AAK1: variants seen among roughly 807,000 people sequenced by gnomAD.
The protein encoded by AAK1 is AP2 associated kinase 1.
AAK1 carries 37 observed loss-of-function variants against 116.0 expected under a neutral mutation model. The ratio of observed to expected loss-of-function variants is 0.32; its 90% confidence interval spans 0.25 to 0.42. AAK1 has a LOEUF of 0.42. Ranked by LOEUF, AAK1 falls within the 10% of genes least tolerant of loss-of-function variation. The pLI, the probability that AAK1 is intolerant of heterozygous loss-of-function variation, is 1.00. For synonymous variants in AAK1, 458 were observed against 439.9 expected (o/e 1.04, Z -0.51); for missense variants, 919 against 1,170.6 (o/e 0.79, Z 3.14).
At chr2:69,634,220 G>C (rs1675349481) in intron 2 of AAK1, among the ~76,000 whole-genome samples, 2 of 152,262 alleles carry the variant, frequency 1.3e-5, no homozygotes, top group South Asian at 2.1e-4. Flanking sequence ...ATGATCCTTT[G>C]TACAAGGAAG....
rs755622707 is a variant in AAK1, at chr2:69,460,176, C to A, written c.*15693G>T. The A allele has an allele frequency of 6.6e-6, 1 of 152,574 alleles. No individual in the cohort carries two copies. The allele number at this position is 152,574 out of a possible 1,614,324, so 9.5% of individuals were successfully genotyped here. A position where few individuals can be genotyped will look rare whatever the true frequency, so the allele number is the denominator to read the frequency against. On this transcript the variant is annotated 3_prime_UTR_variant, in exon 22 of 22. Transcript: ENST00000409085. Reference sequence around the variant, plus strand: ...GCAACCATTTCACAGTCGACTGGCACGTGTTCTCCAATTTCAGTTCCAAAC... The same window carrying A: ...GCAACCATTTCACAGTCGACTGGCAAGTGTTCTCCAATTTCAGTTCCAAAC...
intron 2 of AAK1, among the ~76,000 whole-genome samples, chr2:69,569,393 T>C (rs1672006787): frequency 6.6e-6 from 1 of 152,176 alleles, no homozygotes; most frequent in African/African-American, 2.4e-5. Context: ...TTTTGATGCA[T>C]TTCCCAGTCA....
At position 69,472,423 on chromosome 2, in the gene AAK1, T is replaced by C. The variant is rs937064148; in HGVS notation, c.*3446A>G. On this transcript the variant is annotated 3_prime_UTR_variant, in exon 22 of 22. Transcript: ENST00000409085. Reference sequence around the variant, plus strand: ...TTGATATTATTTCTAAGGAGAGGAGTTTCAAAAATAACTTTAAGGATGGCA... The same window carrying C: ...TTGATATTATTTCTAAGGAGAGGAGCTTCAAAAATAACTTTAAGGATGGCA... The C allele has an allele frequency of 7.3e-6, 2 of 273,866 alleles. No homozygotes were observed. Among genetic ancestry groups the C allele is most frequent in the Non-Finnish European group, 5.6e-6 (1 of 179,508 alleles). 17.0% of individuals were successfully genotyped at this position (273,866 alleles called of 1,614,324 possible).
At chr2:69,482,586 T>C (rs1289432868) in intron 18 of AAK1, 125 bp downstream of exon 18, 1 of 791,402 alleles carries the variant, frequency 1.3e-6, no homozygotes, top group East Asian at 2.7e-5. Context: ...ACAAGTGAGA[T>C]TAAATAGCCT....
At chr2:69,587,625 C>A (rs1242504679) in intron 2 of AAK1, among the ~76,000 whole-genome samples, 20 of 151,782 alleles carry the variant, frequency 1.3e-4, no homozygotes, top group African/African-American at 4.8e-4. Flanking sequence ...GCCACCATGC[C>A]CAGCTAATTT....
chr2:69,606,108 C>G (rs2105206014), intron 2 of AAK1, among the ~76,000 whole-genome samples: 1 of 152,318 alleles, frequency 6.6e-6, no homozygotes, highest in East Asian at 1.9e-4. Context: ...CCTGCTTGTT[C>G]ACTCAGAAGA....
chr2:69,574,650 C>T (rs1276176603), intron 2 of AAK1, among the ~76,000 whole-genome samples: 1 of 151,830 alleles, frequency 6.6e-6, no homozygotes, highest in East Asian at 1.9e-4. Context: ...TACGAAAGAA[C>T]ATTCTATAGC....
At chr2:69,547,519 A>C (rs1262341659) in intron 3 of AAK1, among the ~76,000 whole-genome samples, 2 of 152,250 alleles carry the variant, frequency 1.3e-5, no homozygotes, top group African/African-American at 4.8e-5. Context: ...GATGATCAGC[A>C]TAATCAATCA....
intron 10 of AAK1, among the ~76,000 whole-genome samples, chr2:69,521,919 C>G (rs1669802159): frequency 6.6e-6 from 1 of 152,254 alleles, no homozygotes; most frequent in Non-Finnish European, 1.5e-5. Flanking sequence ...TGGAGCAGAA[C>G]TGCCATGCTG....
intron 2 of AAK1, among the ~76,000 whole-genome samples, chr2:69,616,293 G>C (rs1674324450): frequency 6.6e-6 from 1 of 152,072 alleles, no homozygotes; most frequent in Non-Finnish European, 1.5e-5. Context: ...ACCATGCCCA[G>C]CTGCACAACA....
At chr2:69,593,683 A>C (rs1018583393) in intron 2 of AAK1, among the ~76,000 whole-genome samples, 10 of 152,316 alleles carry the variant, frequency 6.6e-5, no homozygotes, top group African/African-American at 2.4e-4. Context: ...AATTAGTTGC[A>C]GTAAAATTTG....
intron 16 of AAK1, among the ~76,000 whole-genome samples, chr2:69,498,187 T>C (rs988303559): frequency 3.3e-5 from 5 of 152,214 alleles, no homozygotes; most frequent in African/African-American, 9.6e-5. Context: ...CCCCTTGGCC[T>C]GGGCCATCAA....
chr2:69,561,151 T>G (rs13035368), intron 2 of AAK1, among the ~76,000 whole-genome samples: 75,693 of 152,078 alleles, frequency 0.5, 19,790 homozygotes, highest in East Asian at 0.77. Context: ...AAAACACATC[T>G]GAAAAGCTTT....
intron 2 of AAK1, among the ~76,000 whole-genome samples, chr2:69,591,701 G>A (rs559983500): frequency 7.2e-5 from 11 of 151,764 alleles, no homozygotes; most frequent in East Asian, 1.9e-4. Flanking sequence ...CTCCTGAGTA[G>A]CTGGGATTAC....
intron 2 of AAK1, among the ~76,000 whole-genome samples, chr2:69,641,019 A>G (rs1212903000): frequency 6.6e-6 from 1 of 152,250 alleles, no homozygotes; most frequent in Non-Finnish European, 1.5e-5. Flanking sequence ...ATGCAGAGCT[A>G]CAAGTCCTAA....
At position 69,572,622 on chromosome 2, in the gene AAK1, A is replaced by T. The variant is rs1290537824; in HGVS notation, c.164-15644T>A. Among the ~76,000 whole-genome samples, 6 of 83,424 alleles carry T rather than the reference A, an allele frequency of 7.2e-5. No homozygotes were observed. The South Asian group carries it at 2.1e-3, about 29-fold the overall frequency. The allele number at this position is 83,424 out of a possible 152,430, so 54.7% of individuals were successfully genotyped here. A position where few individuals can be genotyped will look rare whatever the true frequency, so the allele number is the denominator to read the frequency against. On this transcript the variant is annotated intron_variant, in intron 2 of 21. Coordinates refer to ENST00000409085, the MANE Select transcript of AAK1 (RefSeq NM_014911.5). ...CAACAAAAACGAAACTCTGTCTTTA[A>T]AAAAAAAAAAAAAAAAAAAAAGCAT...
Position 69,469,470 on chromosome 2 carries a change from A to G in AAK1, c.*6399T>C. 1.0e-6 allele frequency: 1 copy of G among 985,468 alleles called. No homozygotes were observed. The highest frequency in any genetic ancestry group is 1.2e-6 in the Non-Finnish European group (1 of 829,944). 61.0% of individuals were successfully genotyped at this position (985,468 alleles called of 1,614,324 possible). A position where few individuals can be genotyped will look rare whatever the true frequency, so the allele number is the denominator to read the frequency against. ...AACAGTTCCTTTATATGAAGGTAGC[A>G]TTGTGTCAACAAGAAAACGTGTTTG... On this transcript the variant is annotated 3_prime_UTR_variant, in exon 22 of 22. Coordinates refer to ENST00000409085, the MANE Select transcript of AAK1 (RefSeq NM_014911.5).
At chr2:69,613,181 A>T (rs1326890995) in intron 2 of AAK1, among the ~76,000 whole-genome samples, 1 of 152,164 alleles carries the variant, frequency 6.6e-6, no homozygotes, top group Non-Finnish European at 1.5e-5. Context: ...ACCCCAAATC[A>T]TGGGGCCAAT....
intron 2 of AAK1, among the ~76,000 whole-genome samples, chr2:69,637,762 A>G (rs1675512990): frequency 6.6e-6 from 1 of 152,156 alleles, no homozygotes; most frequent in African/African-American, 2.4e-5. Flanking sequence ...GCTCTGATGC[A>G]GTAATATTTT....
Sources: allele counts gnomAD v4.1 joint callset (sites outside exome capture counted in the v4.1 genomes callset), GRCh38; gene constraint gnomAD v4.1.1; transcripts MANE v1.5; gene names NCBI Gene and HGNC (gene_info 2026-07-23, HGNC 2026-07-21).